MBD2: variants seen among roughly 807,000 people sequenced by gnomAD.
MBD2 encodes the protein methyl-CpG binding domain protein 2.
A neutral mutation model predicts 39.3 loss-of-function variants in MBD2; 9 were observed. The ratio of observed to expected loss-of-function variants is 0.23; its 90% confidence interval spans 0.14 to 0.40. The LOEUF is 0.40. Ranked by LOEUF, MBD2 falls within the 10% of genes least tolerant of loss-of-function variation. The pLI is 1.00. For missense variants in MBD2, 458 were observed against 532.6 expected (o/e 0.86, Z 1.38); for synonymous variants, 233 against 211.1 (o/e 1.10, Z -0.90).
chr18:54,155,314 GT>G lies in MBD2; in HGVS notation c.*13-4del, dbSNP rs1470477093. The G allele has an allele frequency of 8.9e-6, 1 of 112,424 alleles. No individual in the cohort carries two copies. Among genetic ancestry groups the G allele is most frequent in the African/African-American group, 3.4e-5 (1 of 29,180 alleles). The allele number at this position is 112,424 out of a possible 1,614,324, so 7.0% of individuals were successfully genotyped here. On this transcript the variant is annotated splice_polypyrimidine_tract_variant and splice_region_variant and intron_variant, in intron 6 of 6. Transcript: ENST00000256429. ...GGGGAAAGTCGGTCGAAAGTTACCTGTTAAAAAAAAAAAAAAAAGAACAAAC... is the reference window on the plus strand; with the variant it reads ...GGGGAAAGTCGGTCGAAAGTTACCTGTAAAAAAAAAAAAAAAAGAACAAAC...
At chr18:54,161,297 T>A (rs2086096321) in intron 5 of MBD2, among the ~76,000 whole-genome samples, 1 of 152,224 alleles carries the variant, frequency 6.6e-6, no homozygotes, top group South Asian at 2.1e-4. Context: ...ACTTATTAAA[T>A]GAATTTTCAA....
intron 1 of MBD2, among the ~76,000 whole-genome samples, chr18:54,215,569 A>T (rs889756803): frequency 6.6e-6 from 1 of 150,756 alleles, no homozygotes; most frequent in Non-Finnish European, 1.5e-5. Context: ...GCTAGCTGCA[A>T]TCTGCAGTCT....
At chr18:54,166,797 G>A (rs569523661) in intron 3 of MBD2, among the ~76,000 whole-genome samples, 243 of 152,292 alleles carry the variant, frequency 1.6e-3, no homozygotes, top group African/African-American at 5.4e-3. Flanking sequence ...TCATCATTAC[G>A]GGCATCAGTG....
chr18:54,213,647 TACG>T (rs2086529985), intron 1 of MBD2, among the ~76,000 whole-genome samples: 1 of 152,216 alleles, frequency 6.6e-6, no homozygotes, highest in Non-Finnish European at 1.5e-5. Context: ...TAGACACTGC[TACG>T]ACACTGTCAG....
chr18:54,194,557 GTATATA>G (rs147119140), intron 2 of MBD2, among the ~76,000 whole-genome samples: 2 of 148,712 alleles, frequency 1.3e-5, no homozygotes, highest in African/African-American at 2.5e-5. Flanking sequence ...GTGTGTGTGT[GTATATA>G]TATATATATG....
chr18:54,205,957 TACACACACAC>T (rs10558467), intron 1 of MBD2, among the ~76,000 whole-genome samples: 2 of 145,864 alleles, frequency 1.4e-5, no homozygotes, highest in Admixed American at 6.9e-5. Context: ...AACACACACA[TACACACACAC>T]ACACACACAC....
intron 1 of MBD2, among the ~76,000 whole-genome samples, chr18:54,211,643 GCCACTGCCCAAATC>G (rs1487614323): frequency 6.6e-6 from 1 of 151,836 alleles, no homozygotes; most frequent in African/African-American, 2.4e-5. Flanking sequence ...CCTTTCCATT[GCCACTGCCCAAATC>G]AAGTCTGCAT....
chr18:54,161,926 G>C (rs1145313), intron 5 of MBD2, among the ~76,000 whole-genome samples: 7,454 of 152,246 alleles, frequency 0.049, 588 homozygotes, highest in African/African-American at 0.17. Context: ...CCTTAGTGGA[G>C]CTGGGATCTT....
intron 2 of MBD2, among the ~76,000 whole-genome samples, chr18:54,190,718 C>T (rs2086314612): frequency 6.6e-6 from 1 of 152,112 alleles, no homozygotes; most frequent in Non-Finnish European, 1.5e-5. Flanking sequence ...TTTCATTATA[C>T]ATCATATGGC....
At chr18:54,203,186 G>T in intron 2 of MBD2, 4 of 1,561,632 alleles carry the variant, frequency 2.6e-6, no homozygotes, top group Non-Finnish European at 3.5e-6. Flanking sequence ...AAATAAATCT[G>T]CACATTACAC....
chr18:54,181,114 T>C (rs1012649597), intron 3 of MBD2, among the ~76,000 whole-genome samples: 1 of 152,062 alleles, frequency 6.6e-6, no homozygotes, highest in Non-Finnish European at 1.5e-5. Context: ...AGGTTGGTTT[T>C]GAACTCCTGG....
chr18:54,179,608 TTTA>T (rs1254914236), intron 3 of MBD2, among the ~76,000 whole-genome samples: 1 of 152,198 alleles, frequency 6.6e-6, no homozygotes, highest in Non-Finnish European at 1.5e-5. Flanking sequence ...TATGATACAC[TTTA>T]TTAACAGAAT....
chr18:54,199,484 A>G (rs919376365), intron 2 of MBD2, among the ~76,000 whole-genome samples: 4 of 152,166 alleles, frequency 2.6e-5, no homozygotes, highest in African/African-American at 7.2e-5. Flanking sequence ...GGGCATTATC[A>G]ATGACAAAAA....
chr18:54,202,875 T>C (rs368730498), intron 2 of MBD2: 2 of 1,269,326 alleles, frequency 1.6e-6, no homozygotes, highest in African/African-American at 2.9e-5. Context: ...ACAAATACAA[T>C]GGCAAAGCAC....
chr18:54,205,690 T>TA (rs1161938470), intron 1 of MBD2, among the ~76,000 whole-genome samples: 1 of 151,674 alleles, frequency 6.6e-6, no homozygotes, highest in East Asian at 1.9e-4. Flanking sequence ...CTCCCCTAGG[T>TA]AGTCCACTGG....
chr18:54,194,496 C>T (rs769562205), intron 2 of MBD2, among the ~76,000 whole-genome samples: 5 of 151,344 alleles, frequency 3.3e-5, no homozygotes, highest in African/African-American at 1.2e-4. Flanking sequence ...ATATATGTGA[C>T]CAAAATAAAG....
intron 2 of MBD2, among the ~76,000 whole-genome samples, chr18:54,201,966 ATTAC>A (rs766514539): frequency 9.2e-5 from 14 of 152,276 alleles, no homozygotes; most frequent in Non-Finnish European, 1.8e-4. Flanking sequence ...ATAGCTTGTA[ATTAC>A]TTAATGTAAA....
intron 3 of MBD2, among the ~76,000 whole-genome samples, chr18:54,188,105 GA>G (rs145706098): frequency 2.7e-5 from 4 of 150,048 alleles, no homozygotes; most frequent in East Asian, 2.0e-4. Context: ...AGAAAGGAGA[GA>G]AAAAAAAACG....
chr18:54,192,924 A>G (rs949974928), intron 2 of MBD2, among the ~76,000 whole-genome samples: 2 of 152,270 alleles, frequency 1.3e-5, no homozygotes, highest in Non-Finnish European at 2.9e-5. Flanking sequence ...AGAATGAGAC[A>G]TTATTCAAAA....
Sources: gnomAD v4.1 joint callset for allele counts (sites outside exome capture counted in the v4.1 genomes callset) on GRCh38, gnomAD v4.1.1 for gene constraint, MANE v1.5 for transcripts, NCBI Gene and HGNC (gene_info 2026-07-23, HGNC 2026-07-21) for gene names.